XYLT1: variants seen among roughly 807,000 people sequenced by gnomAD.
The protein encoded by XYLT1 is xylosyltransferase 1, also known as beta-D-xylosyltransferase 1.
In XYLT1, 36 loss-of-function variants were observed where a neutral mutation model predicts 91.3. That is an observed-to-expected ratio of 0.39 (90% CI 0.30 to 0.52). XYLT1 has a LOEUF of 0.52. XYLT1 is among the 20% of genes least tolerant of loss of function. XYLT1 has a pLI of 0.68. For missense variants in XYLT1, 1,242 were observed against 1,284.5 expected (o/e 0.97, Z 0.51); for synonymous variants, 588 against 532.0 (o/e 1.11, Z -1.45).
At chr16:17,160,012 C>G (rs1401497925) in intron 5 of XYLT1, among the ~76,000 whole-genome samples, 1 of 152,114 alleles carries the variant, frequency 6.6e-6, no homozygotes, top group African/African-American at 2.4e-5. Flanking sequence ...GAGAAGAGAG[C>G]AGAAAGATAA....
intron 1 of XYLT1, among the ~76,000 whole-genome samples, chr16:17,416,810 G>A (rs770744477): frequency 1.4e-4 from 21 of 152,218 alleles, no homozygotes; most frequent in Non-Finnish European, 8.8e-5. Flanking sequence ...AAGGAAGTGA[G>A]AGTGAGCATG....
At chr16:17,382,836 C>T (rs114817070) in intron 1 of XYLT1, among the ~76,000 whole-genome samples, 1,624 of 151,900 alleles carry the variant, frequency 0.011, 35 homozygotes, top group African/African-American at 0.037. Flanking sequence ...TCCTAGAGAC[C>T]GCAAGAAGGA....
chr16:17,110,160 G>A (rs1966833968), intron 11 of XYLT1, among the ~76,000 whole-genome samples: 1 of 152,136 alleles, frequency 6.6e-6, no homozygotes, highest in Non-Finnish European at 1.5e-5. Context: ...CAATAAAATG[G>A]GTAAAGTACT....
At chr16:17,450,638 G>A (rs2036654386) in intron 1 of XYLT1, among the ~76,000 whole-genome samples, 1 of 152,194 alleles carries the variant, frequency 6.6e-6, no homozygotes, top group Non-Finnish European at 1.5e-5. Context: ...TGAAAGGCAG[G>A]CAGCCCAAAG....
chr16:17,176,677 G>C (rs183826970), intron 5 of XYLT1, among the ~76,000 whole-genome samples: 6 of 152,182 alleles, frequency 3.9e-5, no homozygotes, highest in African/African-American at 1.4e-4. Flanking sequence ...GTATGCTGCA[G>C]AAAAGCTCAA....
At chr16:17,217,102 G>A (rs1025425390) in intron 3 of XYLT1, among the ~76,000 whole-genome samples, 2 of 152,142 alleles carry the variant, frequency 1.3e-5, no homozygotes, top group Non-Finnish European at 2.9e-5. Context: ...GGGTAACAAC[G>A]AGCACCTCAA....
At chr16:17,422,517 A>AT (rs1341145561) in intron 1 of XYLT1, among the ~76,000 whole-genome samples, 3 of 145,014 alleles carry the variant, frequency 2.1e-5, no homozygotes, top group African/African-American at 5.1e-5. Context: ...TTACTTTATT[A>AT]TTTTTTTTTG....
chr16:17,126,937 G>A (rs1025085482), intron 10 of XYLT1, among the ~76,000 whole-genome samples: 3 of 152,196 alleles, frequency 2.0e-5, no homozygotes, highest in African/African-American at 7.2e-5. Flanking sequence ...AACAATCAAT[G>A]AGTGACCAGA....
intron 2 of XYLT1, among the ~76,000 whole-genome samples, chr16:17,262,310 A>G (rs2033734801): frequency 6.6e-6 from 1 of 152,168 alleles, no homozygotes. Flanking sequence ...CACCTTACAG[A>G]AAAGGGTGGA....
intron 6 of XYLT1, among the ~76,000 whole-genome samples, chr16:17,153,010 A>G (rs118048116): frequency 7.2e-4 from 109 of 152,330 alleles, no homozygotes; most frequent in Admixed American, 1.2e-3. Context: ...CCCAGTGGAC[A>G]TGAGAGTTAT....
rs140589155 is a variant in XYLT1 at position 17,151,247 on chromosome 16, G to A, written c.1370+7582C>T. Among the ~76,000 whole-genome samples the A allele has an allele frequency of 5.3e-3, 803 of 152,220 alleles. 8 individuals carry two copies. Among genetic ancestry groups the A allele is most frequent in the African/African-American group, 0.017 (704 of 41,528 alleles). ...TTGAGACCAGCCTGGACAACATGGC[G>A]AAACCCCATCTCTACTGAAACTACA... On this transcript the variant is annotated intron_variant, in intron 6 of 11. Transcript: ENST00000261381.
chr16:17,289,406 T>G (rs2034189325), intron 2 of XYLT1, among the ~76,000 whole-genome samples: 2 of 152,266 alleles, frequency 1.3e-5, no homozygotes, highest in Admixed American at 6.5e-5. Flanking sequence ...ATCCCGCAAT[T>G]GTCTTCTGCC....
At chr16:17,256,981 G>A (rs1436066164) in intron 3 of XYLT1, among the ~76,000 whole-genome samples, 1 of 152,198 alleles carries the variant, frequency 6.6e-6, no homozygotes, top group Non-Finnish European at 1.5e-5. Flanking sequence ...CATCTAGCTC[G>A]ACTCTGACAT....
chr16:17,164,844 G>A (rs2031640526), intron 5 of XYLT1, among the ~76,000 whole-genome samples: 1 of 152,200 alleles, frequency 6.6e-6, no homozygotes, highest in Admixed American at 6.5e-5. Flanking sequence ...ACATATGGAA[G>A]AGGTCAACTG....
At chr16:17,445,531 G>A (rs1489883651) in intron 1 of XYLT1, among the ~76,000 whole-genome samples, 1 of 152,180 alleles carries the variant, frequency 6.6e-6, no homozygotes, top group Admixed American at 6.5e-5. Flanking sequence ...TGTCTAGAGA[G>A]GCCCCGGGCT....
At chr16:17,460,615 G>C (rs985380315) in intron 1 of XYLT1, among the ~76,000 whole-genome samples, 1 of 152,222 alleles carries the variant, frequency 6.6e-6, no homozygotes, top group African/African-American at 2.4e-5. Flanking sequence ...AGGTGCCACA[G>C]GTGACAGGAG....
intron 2 of XYLT1, among the ~76,000 whole-genome samples, chr16:17,291,116 C>T (rs537629078): frequency 8.5e-5 from 13 of 152,092 alleles, no homozygotes; most frequent in Admixed American, 3.3e-4. Flanking sequence ...TTTTTGGCAG[C>T]GACTGGGTTA....
At chr16:17,378,873 C>A (rs1240031654) in intron 1 of XYLT1, among the ~76,000 whole-genome samples, 1 of 152,202 alleles carries the variant, frequency 6.6e-6, no homozygotes, top group East Asian at 1.9e-4. Context: ...ACTCCATCCC[C>A]TACTTTCTTA....
intron 2 of XYLT1, among the ~76,000 whole-genome samples, chr16:17,313,889 G>A (rs1439661917): frequency 2.0e-5 from 3 of 152,006 alleles, no homozygotes; most frequent in Non-Finnish European, 4.4e-5. Context: ...GGGAATAAGG[G>A]GATATAATTA....
Sources: allele counts gnomAD v4.1 joint callset (sites outside exome capture counted in the v4.1 genomes callset), GRCh38; gene constraint gnomAD v4.1.1; transcripts MANE v1.5; gene names NCBI Gene and HGNC (gene_info 2026-07-23, HGNC 2026-07-21).